The following NCOR2 variants were observed in gnomAD, a reference collection of about 807,000 sequenced individuals.
NCOR2 encodes the protein nuclear receptor corepressor 2.
NCOR2 carries 81 observed loss-of-function variants against 262.9 expected under a neutral mutation model. The ratio of observed to expected loss-of-function variants is 0.31; its 90% CI spans 0.26 to 0.37. The LOEUF is 0.37. Ranked by LOEUF, NCOR2 falls within the 10% of genes least tolerant of loss-of-function variation. The pLI is 1.00. For missense variants in NCOR2, 3,385 were observed against 3,621.4 expected (o/e 0.93, Z 1.68); for synonymous variants, 1,659 against 1,559.3 (o/e 1.06, Z -1.51).
At position 124,389,354 on chromosome 12, in the gene NCOR2, G is replaced by GGGCGGGCA. The variant is rs2041094142; in HGVS notation, c.1877-3475_1877-3468dup. Among the ~76,000 whole-genome samples the GGGCGGGCA allele has an allele frequency of 6.6e-6, 1 of 152,130 alleles. No individual in the cohort carries two copies. Among genetic ancestry groups the GGGCGGGCA allele is most frequent in the Admixed American group, 6.5e-5 (1 of 15,286 alleles). ...TGACCTCCAGACGGAGGCTCGCGGC[G>GGGCGGGCA]GGCGGGCAGGCGGGCGGGGGAGCGT... On this transcript the variant is annotated intron_variant, in intron 16 of 46. Transcript: ENST00000405201. The surrounding 1 kb of genome is among the most constrained non-coding windows in gnomAD (Gnocchi z 4.4).
intron 3 of NCOR2, among the ~76,000 whole-genome samples, chr12:124,474,493 G>C (rs1377618163): frequency 6.6e-6 from 1 of 152,138 alleles, no homozygotes; most frequent in Admixed American, 6.5e-5. Context: ...ACCAGCTAAA[G>C]TCTGGTGCAC....
At chr12:124,405,149 T>C (rs1310837577) in intron 13 of NCOR2, among the ~76,000 whole-genome samples, 4 of 152,148 alleles carry the variant, frequency 2.6e-5, no homozygotes, top group African/African-American at 4.8e-5. Context: ...CGCCAGGGCC[T>C]GCCCACAACC....
chr12:124,466,722 G>C (rs1221763016), intron 4 of NCOR2, among the ~76,000 whole-genome samples: 1 of 152,032 alleles, frequency 6.6e-6, no homozygotes, highest in African/African-American at 2.4e-5. Flanking sequence ...TCAGTGCTAG[G>C]AGAGGCTGTG....
exon 45 of NCOR2, chr12:124,327,555 G>A: frequency 6.2e-7 from 1 of 1,613,860 alleles, no homozygotes; most frequent in Non-Finnish European, 8.5e-7. Context: ...ACCCATGAGT[G>A]CCTTTCTAAT....
chr12:124,332,270 C>A, intron 43 of NCOR2, 49 bp downstream of exon 45: 7 of 1,605,528 alleles, frequency 4.4e-6, no homozygotes, highest in Non-Finnish European at 5.1e-6. Context: ...GGCAGGCCAC[C>A]CGCCCACCTG....
chr12:124,356,867 C>A, intron 22 of NCOR2, 85 bp from the exon 25 acceptor site: 1 of 1,382,894 alleles, frequency 7.2e-7, no homozygotes, highest in South Asian at 1.7e-5. Flanking sequence ...ACACAAATGG[C>A]CTTCCTGCAC....
In NCOR2 at chr12:124,547,590, C is replaced by T. The variant is rs151169012; in HGVS notation, c.-164-11979G>A. 9.8e-3 allele frequency among the ~76,000 whole-genome samples: 1,489 copies of T among 152,326 alleles called. 9 individuals carry two copies. Among genetic ancestry groups the T allele is most frequent in the Non-Finnish European group, 0.016 (1,066 of 68,024 alleles). Reference sequence around the variant, plus strand: ...TTAGGACATTCCCAGTGCTGTGCGACCATCACCTCTATCTAATTCCAAAAC... The same window carrying T: ...TTAGGACATTCCCAGTGCTGTGCGATCATCACCTCTATCTAATTCCAAAAC... On this transcript the variant is annotated intron_variant, in intron 1 of 32. Coordinates refer to the NCOR2 transcript ENST00000458234.
intron 25 of NCOR2, 87 bp from the exon 28 acceptor site, chr12:124,354,669 G>T: frequency 7.4e-7 from 1 of 1,349,902 alleles, no homozygotes; most frequent in Non-Finnish European, 9.9e-7. Context: ...CCAGGGGCTG[G>T]GAAGCGCTGC....
intron 17 of NCOR2, among the ~76,000 whole-genome samples, chr12:124,385,136 G>A (rs1320226651): frequency 3.9e-5 from 6 of 152,254 alleles, no homozygotes; most frequent in Middle Eastern, 3.4e-3. Context: ...TGGAAGAAGC[G>A]GCTGCTCCTC....
At chr12:124,376,605 G>A (rs1340929594) in intron 18 of NCOR2, among the ~76,000 whole-genome samples, 1 of 152,202 alleles carries the variant, frequency 6.6e-6, no homozygotes, top group Non-Finnish European at 1.5e-5. Context: ...CAGACTCAGT[G>A]TCCCTGACCC....
chr12:124,516,062 C>T (rs967213403), intron 1 of NCOR2, among the ~76,000 whole-genome samples: 1 of 152,146 alleles, frequency 6.6e-6, no homozygotes, highest in Non-Finnish European at 1.5e-5. Flanking sequence ...GGATGAGAAC[C>T]CCCCCGCCTT....
At chr12:124,559,467 G>A (rs1292945594) in intron 1 of NCOR2, among the ~76,000 whole-genome samples, 6 of 152,294 alleles carry the variant, frequency 3.9e-5, no homozygotes, top group East Asian at 3.9e-4. Context: ...CCCCAAAACC[G>A]TGCTCAGTTC....
intron 1 of NCOR2, among the ~76,000 whole-genome samples, chr12:124,527,592 G>T (rs1308192068): frequency 6.6e-6 from 1 of 151,968 alleles, no homozygotes; most frequent in African/African-American, 2.4e-5. Context: ...TAATTCTTCT[G>T]TTTTTATTAG....
chr12:124,433,930 C>T (rs1005492440), intron 8 of NCOR2, among the ~76,000 whole-genome samples: 6 of 119,826 alleles, frequency 5.0e-5, no homozygotes, highest in Middle Eastern at 0.011. Flanking sequence ...AGACTGGAGC[C>T]GTCCCCCTCC....
At chr12:124,439,363 ACCCG>A (rs2044670177) in intron 7 of NCOR2, among the ~76,000 whole-genome samples, 65 of 145,298 alleles carry the variant, frequency 4.5e-4, no homozygotes, top group African/African-American at 1.1e-3. Flanking sequence ...GGAGACAGAG[ACCCG>A]GAGACAGAGG....
chr12:124,486,615 T>TGGCGGGGCAC (rs2047778817), intron 1 of NCOR2, 47 bp from the exon 4 acceptor site: 2 of 1,530,988 alleles, frequency 1.3e-6, no homozygotes, highest in South Asian at 1.2e-5. Context: ...GGCACGGGCA[T>TGGCGGGGCAC]GGCGGGGCAC....
intron 23 of NCOR2, among the ~76,000 whole-genome samples, chr12:124,356,293 CAG>C (rs2037950310): frequency 6.6e-6 from 1 of 152,226 alleles, no homozygotes; most frequent in Non-Finnish European, 1.5e-5. Flanking sequence ...TGCAGCCTCA[CAG>C]AGTCTGTGAA....
chr12:124,365,711 C>T (rs1351077054), intron 20 of NCOR2, among the ~76,000 whole-genome samples: 1 of 151,762 alleles, frequency 6.6e-6, no homozygotes, highest in Non-Finnish European at 1.5e-5. Flanking sequence ...CCACCGCCAG[C>T]CCACTCTCCT....
chr12:124,440,642 G>A lies in NCOR2; in HGVS notation c.816-2646C>T, dbSNP rs1271714424. 2.0e-5 allele frequency among the ~76,000 whole-genome samples: 3 copies of A among 152,208 alleles called. No homozygotes were observed. The highest frequency in any genetic ancestry group is 7.2e-5 in the African/African-American group (3 of 41,446). On this transcript the variant is annotated intron_variant, in intron 7 of 46. Coordinates refer to ENST00000405201, the Ensembl canonical transcript of NCOR2. The surrounding 1 kb of genome is among the most constrained non-coding windows in gnomAD (Gnocchi z 5.7). The stretch of plus-strand genomic sequence containing the variant: ...TTCCAGGTGCTGGGGACACAGCAGG[G>A]AGCAAGACACAGTTGAGGGCTCTCA...
Sources: gnomAD v4.1 joint callset for allele counts (sites outside exome capture counted in the v4.1 genomes callset) on GRCh38, gnomAD v4.1.1 for gene constraint, Gnocchi (gnomAD v3.1) non-coding constraint, MANE v1.5 for transcripts, NCBI Gene and HGNC (gene_info 2026-07-23, HGNC 2026-07-21) for gene names.